Variants in ZDHHC6 observed in about 807,000 individuals in gnomAD.
ZDHHC6 encodes the protein zDHHC palmitoyltransferase 6, also known as palmitoyltransferase ZDHHC6.
ZDHHC6 carries 32 observed loss-of-function variants against 57.8 expected under a neutral mutation model. The ratio of observed to expected loss-of-function variants is 0.55; its 90% CI spans 0.42 to 0.74. The LOEUF (loss-of-function observed/expected upper bound fraction) is 0.74. Among genes scored for constraint, ZDHHC6 ranks in the 30% least tolerant of loss-of-function variants. ZDHHC6 has a pLI of 0.00. For synonymous variants in ZDHHC6, 128 were observed against 158.0 expected (o/e 0.81, Z 1.42); for missense variants, 433 against 500.7 (o/e 0.86, Z 1.29).
chr10:112,444,466 T>C (rs1846448204), intron 2 of ZDHHC6, among the ~76,000 whole-genome samples: 2 of 152,244 alleles, frequency 1.3e-5, no homozygotes, highest in African/African-American at 4.8e-5. Flanking sequence ...GAGTTCAAAT[T>C]ACATCTTACC....
rs1026003446 is a variant in ZDHHC6 at position 112,443,457 on chromosome 10, A to C, written c.359+58T>G. Reference sequence around the variant, plus strand: ...TAGCACTAATGTAGTATAAGCAACAATGAAAACATCAGTAATTAGTTGATC... The same window carrying C: ...TAGCACTAATGTAGTATAAGCAACACTGAAAACATCAGTAATTAGTTGATC... On this transcript the variant is annotated intron_variant, in intron 3 of 10. Transcript: ENST00000369405. The C allele has an allele frequency of 3.4e-6, 5 of 1,452,952 alleles. No individual in the cohort carries two copies. The Admixed American group carries it at 6.9e-5, about 20-fold the overall frequency. 90.0% of individuals were successfully genotyped at this position (1,452,952 alleles called of 1,614,324 possible).
rs577475787 is a variant in ZDHHC6, at chr10:112,443,587, A to G, written c.287T>C (p.Met96Thr). The G allele has an allele frequency of 2.0e-5, 33 of 1,612,302 alleles. No homozygotes were observed. The highest frequency in any genetic ancestry group is 2.8e-5 in the Non-Finnish European group (33 of 1,178,976). Residue 96 changes from methionine to threonine, a missense_variant, in exon 3 of 11, where the codon ATG becomes ACG. Transcript: ENST00000369405. ...GWKPEISQDTMYLQYCKVCQA... is the reference protein window; with the variant it reads ...GWKPEISQDTTYLQYCKVCQA... ...GCAGACTTTACAATACTGGAGATAC[A>G]TGGTATCCTGAGAAATTTCCTTGGC...
downstream of ZDHHC6, among the ~76,000 whole-genome samples, chr10:112,428,703 G>A (rs1488398591): frequency 2.0e-5 from 3 of 151,798 alleles, no homozygotes; most frequent in South Asian, 2.1e-4. Flanking sequence ...CCCGAGAGGC[G>A]GAGCTTGCAG....
chr10:112,440,795 C>G lies in ZDHHC6; in HGVS notation c.520-100G>C, dbSNP rs141092996. The G allele has an allele frequency of 1.4e-4, 168 of 1,167,862 alleles. No homozygotes were observed. The African/African-American group carries it at 1.8e-3, about 13-fold the overall frequency. The allele number at this position is 1,167,862 out of a possible 1,614,324, so 72.3% of individuals were successfully genotyped here. A position where few individuals can be genotyped will look rare whatever the true frequency, so the allele number is the denominator to read the frequency against. ...AACAACTTGATCAAAGAGATAACAA[C>G]GTGGCCCTGTGGCCAACGCAAACAC... On this transcript the variant is annotated intron_variant, in intron 4 of 10. Coordinates refer to ENST00000369405, the MANE Select transcript of ZDHHC6 (RefSeq NM_022494.3).
Position 112,430,546 on chromosome 10 carries a change from C to A in ZDHHC6, c.*258G>T. ...GCATAAGAAAATCCTACAGAAAATG[C>A]CGTTAACTTACTTGGATGAAATGTT... On this transcript the variant is annotated 3_prime_UTR_variant, in exon 11 of 11. Transcript: ENST00000369405. 3.0e-6 allele frequency: 1 copy of A among 327,870 alleles called. No individual in the cohort carries two copies. The highest frequency in any genetic ancestry group is 5.6e-6 in the Non-Finnish European group (1 of 177,780). The allele number at this position is 327,870 out of a possible 1,614,324, so 20.3% of individuals were successfully genotyped here.
At chr10:112,443,211 T>C (rs1846304987) in intron 3 of ZDHHC6, among the ~76,000 whole-genome samples, 1 of 152,214 alleles carries the variant, frequency 6.6e-6, no homozygotes, top group South Asian at 2.1e-4. Context: ...ACAATTAATC[T>C]TGATATATGG....
At chr10:112,429,966 TG>T (rs141673449), downstream of ZDHHC6, among the ~76,000 whole-genome samples, 46,338 of 108,198 alleles carry the variant, frequency 0.43, 7,710 homozygotes, top group East Asian at 0.64. Context: ...AAGCAGTTGT[TG>T]GGGGGGGGGT....
chr10:112,443,122 A>C (rs1846296869), intron 3 of ZDHHC6, among the ~76,000 whole-genome samples: 1 of 152,208 alleles, frequency 6.6e-6, no homozygotes, highest in Admixed American at 6.5e-5. Flanking sequence ...TTTGTCAATA[A>C]GTAATGGGAA....
chr10:112,432,992 G>T (rs1464491288), intron 8 of ZDHHC6, among the ~76,000 whole-genome samples: 2 of 152,148 alleles, frequency 1.3e-5, no homozygotes, highest in African/African-American at 2.4e-5. Flanking sequence ...TTCACATTAA[G>T]GAGCTGTATT....
downstream of ZDHHC6, chr10:112,426,490 G>C (rs1428589265): frequency 2.8e-6 from 2 of 705,874 alleles, no homozygotes; most frequent in African/African-American, 3.6e-5. Flanking sequence ...TGGGACTCGG[G>C]GATAGGATGG....
intron 6 of ZDHHC6, among the ~76,000 whole-genome samples, chr10:112,434,904 C>T (rs1050122471): frequency 6.6e-6 from 1 of 152,216 alleles, no homozygotes; most frequent in Admixed American, 6.5e-5. Flanking sequence ...TGGGGTGCAC[C>T]AGAATGTAAC....
At chr10:112,447,270 C>G (rs760636886), upstream of ZDHHC6, 41 of 1,273,646 alleles carry the variant, frequency 3.2e-5, no homozygotes, top group Non-Finnish European at 4.4e-5. Flanking sequence ...GTTCTGCTCT[C>G]GGGGGCACCT....
downstream of ZDHHC6, chr10:112,427,440 G>T: frequency 1.5e-6 from 2 of 1,361,562 alleles, no homozygotes; most frequent in East Asian, 2.6e-5. Flanking sequence ...CATTTGTTTT[G>T]CCTTTCCTCC....
At chr10:112,441,269 A>C (rs549109886) in intron 4 of ZDHHC6, among the ~76,000 whole-genome samples, 8 of 152,356 alleles carry the variant, frequency 5.3e-5, no homozygotes, top group Non-Finnish European at 1.0e-4. Context: ...CCTTACCAAC[A>C]TTAACATACA....
chr10:112,433,414 A>G (rs899381002), intron 7 of ZDHHC6, 133 bp from the exon 8 acceptor site: 3 of 664,306 alleles, frequency 4.5e-6, no homozygotes, highest in Admixed American at 3.6e-5. Flanking sequence ...TGATAATTTA[A>G]AGGCCACAGG....
At chr10:112,439,024 G>A (rs955146308) in intron 5 of ZDHHC6, among the ~76,000 whole-genome samples, 1 of 152,150 alleles carries the variant, frequency 6.6e-6, no homozygotes, top group South Asian at 2.1e-4. Flanking sequence ...CGATAATAAA[G>A]TATAAACAAA....
chr10:112,426,307 T>C, downstream of ZDHHC6: 11 of 1,614,136 alleles, frequency 6.8e-6, no homozygotes, highest in Non-Finnish European at 9.3e-6. Flanking sequence ...CTTCCCTCAT[T>C]TGCAGCCAAG....
rs771446133 is a variant in ZDHHC6, at chr10:112,433,244, C to CT, written c.940dup (p.Arg314LysfsTer6). 11 of 1,590,598 alleles carry CT rather than the reference C, an allele frequency of 6.9e-6. No homozygotes were observed. Among genetic ancestry groups the CT allele is most frequent in the Non-Finnish European group, 9.4e-6 (11 of 1,171,170 alleles). ...CACTGCAAAAGAAGTACTTACACTT[C>CT]TGACTCTCTTATCTGCTTTTTGTTT... On this transcript the variant is annotated frameshift_variant, in exon 8 of 11. Transcript: ENST00000369405. LOFTEE classifies it high-confidence loss of function.
chr10:112,447,023 A>G, upstream of ZDHHC6: 1 of 276,932 alleles, frequency 3.6e-6, no homozygotes, highest in Non-Finnish European at 7.1e-6. Context: ...GTGGATCCGG[A>G]GCCGATTCCC....
Sources: gnomAD v4.1 joint callset for allele counts (sites outside exome capture counted in the v4.1 genomes callset) on GRCh38, gnomAD v4.1.1 for gene constraint, MANE v1.5 for transcripts, NCBI Gene and HGNC (gene_info 2026-07-23, HGNC 2026-07-21) for gene names.